Variants in CTSC observed in about 807,000 individuals in gnomAD.
The protein encoded by CTSC is cathepsin C, also known as dipeptidyl peptidase 1.
A neutral mutation model predicts 40.9 loss-of-function variants in CTSC; 37 were observed. The ratio of observed to expected loss-of-function variants is 0.91; its 90% CI spans 0.70 to 1.19. The LOEUF is 1.19. Ranked by LOEUF, CTSC falls within the 50% of genes most tolerant of loss-of-function variation. The pLI is 0.00. For synonymous variants in CTSC, 232 were observed against 207.4 expected (o/e 1.12, Z -1.02); for missense variants, 594 against 567.3 (o/e 1.05, Z -0.48).
rs578151584 is a variant in CTSC, at chr11:88,328,141, T to C, written c.318+6796A>G. 6.2e-5 allele frequency: 100 copies of C among 1,613,790 alleles called. No individual in the cohort carries two copies. In the South Asian group the frequency reaches 1.0e-3, roughly 17 times the overall value. ...TTTGTTCCTCAGATGTGGCAAATCA[T>C]ATATCCCCACAGTTCCCAGCTGCAT... On this transcript the variant is annotated intron_variant, in intron 2 of 6. Transcript: ENST00000227266.
intron 4 of CTSC, among the ~76,000 whole-genome samples, chr11:88,305,327 T>G (rs910331988): frequency 1.2e-4 from 18 of 152,308 alleles, no homozygotes; most frequent in Middle Eastern, 6.8e-3. Context: ...CTAAATTCTT[T>G]CTTGCACAAG....
chr11:88,330,698 A>T (rs1236071819), intron 2 of CTSC, among the ~76,000 whole-genome samples: 3 of 152,180 alleles, frequency 2.0e-5, no homozygotes, highest in Non-Finnish European at 4.4e-5. Flanking sequence ...AACTCAAACT[A>T]TGCAAAAACT....
At chr11:88,298,355 A>G (rs1245582123) in intron 5 of CTSC, 2 of 152,236 alleles carry the variant, frequency 1.3e-5, no homozygotes, top group East Asian at 3.8e-4. Flanking sequence ...ACCTCAAAGT[A>G]TTAATAAATC....
intron 3 of CTSC, among the ~76,000 whole-genome samples, chr11:88,310,080 C>G (rs1041966244): frequency 6.6e-6 from 1 of 152,022 alleles, no homozygotes; most frequent in Admixed American, 6.6e-5. Flanking sequence ...ACTTGTTACT[C>G]AGAATTTAGT....
At chr11:88,327,821 G>C (rs1938232546) in intron 2 of CTSC, 1 of 401,728 alleles carries the variant, frequency 2.5e-6, no homozygotes, top group African/African-American at 2.0e-5. Context: ...TTTTTTAGCT[G>C]GGTCTTTACC....
intron 2 of CTSC, among the ~76,000 whole-genome samples, chr11:88,328,803 T>A (rs892823767): frequency 1.3e-5 from 2 of 152,118 alleles, no homozygotes; most frequent in Admixed American, 6.5e-5. Context: ...ACTTTTTGTA[T>A]TTTTAGTATA....
At chr11:88,310,758 CA>C (rs1023313446) in intron 3 of CTSC, among the ~76,000 whole-genome samples, 2 of 152,244 alleles carry the variant, frequency 1.3e-5, no homozygotes, top group South Asian at 2.1e-4. Context: ...AACACAATAA[CA>C]AAAACAAGTT....
chr11:88,326,182 C>T, intron 2 of CTSC: 2 of 1,351,140 alleles, frequency 1.5e-6, no homozygotes, highest in Non-Finnish European at 1.9e-6. Context: ...TGTGTAGTCT[C>T]TGGTTGTTCA....
chr11:88,303,803 G>C (rs1937606540), intron 4 of CTSC, among the ~76,000 whole-genome samples: 1 of 152,128 alleles, frequency 6.6e-6, no homozygotes, highest in South Asian at 2.1e-4. Context: ...CCTTCCTTTA[G>C]GGTATGACAC....
chr11:88,330,358 A>AT (rs1274816790), intron 2 of CTSC, among the ~76,000 whole-genome samples: 4 of 151,918 alleles, frequency 2.6e-5, no homozygotes, highest in South Asian at 2.1e-4. Flanking sequence ...AAAATCTTTC[A>AT]TTTTTTTATT....
chr11:88,303,965 C>T (rs1937607860), intron 4 of CTSC, among the ~76,000 whole-genome samples: 2 of 151,266 alleles, frequency 1.3e-5, no homozygotes, highest in Admixed American at 1.3e-4. Context: ...CTTCTGAGGC[C>T]TAATGTGCCC....
At chr11:88,300,889 T>C (rs754007570) in intron 4 of CTSC, among the ~76,000 whole-genome samples, 3 of 152,148 alleles carry the variant, frequency 2.0e-5, no homozygotes, top group Non-Finnish European at 4.4e-5. Context: ...GAAATGACAC[T>C]GGTTTTGTAT....
chr11:88,310,938 G>A (rs1035706111), intron 3 of CTSC, among the ~76,000 whole-genome samples: 5 of 152,116 alleles, frequency 3.3e-5, no homozygotes, highest in Admixed American at 1.3e-4. Flanking sequence ...GCAAAACCTC[G>A]TGTGTTGACA....
At chr11:88,310,897 T>G (rs1193429257) in intron 3 of CTSC, among the ~76,000 whole-genome samples, 2 of 34,254 alleles carry the variant, frequency 5.8e-5, no homozygotes, top group Non-Finnish European at 1.0e-4. Context: ...AGCAGTAGCC[T>G]GCTGTTTCGC....
Position 88,334,739 on chromosome 11 carries a change from G to A in CTSC, c.318+198C>T. ...TTATACATATTCAAATGTAGCACTGGTATTTTGTAAACCTACTAAAATCAT... is the reference window on the plus strand; with the variant it reads ...TTATACATATTCAAATGTAGCACTGATATTTTGTAAACCTACTAAAATCAT... On this transcript the variant is annotated intron_variant, in intron 2 of 6. Coordinates refer to ENST00000227266, the MANE Select transcript of CTSC (RefSeq NM_001814.6). 3 of 565,240 alleles carry A rather than the reference G, an allele frequency of 5.3e-6. No individual in the cohort carries two copies. The South Asian group carries it at 6.8e-5, about 13-fold the overall frequency. 35.0% of individuals were successfully genotyped at this position (565,240 alleles called of 1,614,324 possible).
chr11:88,326,176 T>C, intron 2 of CTSC: 1 of 1,357,546 alleles, frequency 7.4e-7, no homozygotes, highest in East Asian at 2.6e-5. Context: ...TTCTCCTGTG[T>C]AGTCTCTGGT....
intron 1 of CTSC, among the ~76,000 whole-genome samples, chr11:88,335,547 T>A (rs1161504768): frequency 6.6e-6 from 1 of 152,144 alleles, no homozygotes; most frequent in Non-Finnish European, 1.5e-5. Context: ...CACAACTGCA[T>A]TCCAACCTGG....
Position 88,336,266 on chromosome 11 carries a change from C to G in CTSC, c.173-1184G>C, listed in dbSNP as rs1938490409. On this transcript the variant is annotated intron_variant, in intron 1 of 6. Transcript: ENST00000227266. ...AAAAAAAAAAAAAAAAAAGGCCAGG[C>G]GTGGTGACTCCCGCCTGTAATCCCA... Among the ~76,000 whole-genome samples, 4 of 146,838 alleles carry G rather than the reference C, an allele frequency of 2.7e-5. No homozygotes were observed. In the South Asian group the frequency reaches 8.5e-4, roughly 31 times the overall value.
chr11:88,327,848 T>C, intron 2 of CTSC: 1 of 487,112 alleles, frequency 2.1e-6, no homozygotes, highest in Admixed American at 3.3e-5. Context: ...GGTTCACGTC[T>C]ACTTAGGTTA....
Sources: gnomAD v4.1 joint callset for allele counts (sites outside exome capture counted in the v4.1 genomes callset) on GRCh38, gnomAD v4.1.1 for gene constraint, MANE v1.5 for transcripts, NCBI Gene and HGNC (gene_info 2026-07-23, HGNC 2026-07-21) for gene names.